Variants in NYNRIN observed in about 807,000 individuals in gnomAD.
The protein encoded by NYNRIN is NYN domain and retroviral integrase containing.
In NYNRIN, 86 loss-of-function variants were observed where a neutral mutation model predicts 146.6. The observed-to-expected ratio is 0.59, with a 90% CI of 0.49 to 0.70. The LOEUF (loss-of-function observed/expected upper bound fraction) is 0.70, where lower values mean the gene tolerates loss of function less well. Among genes scored for constraint, NYNRIN ranks in the 30% least tolerant of loss-of-function variants. The pLI is 0.00. For synonymous variants in NYNRIN, 1,027 were observed against 1,001.3 expected (o/e 1.03, Z -0.48); for missense variants, 2,191 against 2,377.7 (o/e 0.92, Z 1.63).
chr14:24,415,732 G>T lies in NYNRIN; in HGVS notation c.3983G>T (p.Gly1328Val), dbSNP rs2042940561. ...GAGGATGAGTGGTGTGCTGGCTTTG[G>T]TCTCTATGTTCTATCGCCCACCAGC... Reference protein sequence around the residue: ...YREDEWCAGFGLYVLSPTSPP... With the variant: ...YREDEWCAGFVLYVLSPTSPP... Residue 1328 changes from glycine to valine, a missense_variant, in exon 9 of 9, where the codon GGT becomes GTT. Coordinates refer to ENST00000382554, the MANE Select transcript of NYNRIN (RefSeq NM_025081.3). 1 of 1,613,662 alleles carries T rather than the reference G, an allele frequency of 6.2e-7. No homozygotes were observed. The highest frequency in any genetic ancestry group is 1.1e-5 in the South Asian group (1 of 91,034).
intron 8 of NYNRIN, 69 bp from the exon 9 acceptor site, chr14:24,414,514 GGGGTTTCCACAGA>G (rs143075190): frequency 0.12 from 178,916 of 1,468,162 alleles, 11,579 homozygotes; most frequent in Middle Eastern, 0.19. Flanking sequence ...ACTTTGGAAT[GGGGTTTCCACAGA>G]GGTGCTTTCC....
chr14:24,411,253 T>C lies in NYNRIN; in HGVS notation c.2545+47T>C. 1.9e-6 allele frequency: 3 copies of C among 1,611,530 alleles called. No individual in the cohort carries two copies. The highest frequency in any genetic ancestry group is 1.1e-5 in the South Asian group (1 of 90,960). ...CAGCCTCCACAGTGTCACCAAGCTT[T>C]CTTCTCTCTGCCTTGCTGCCCCGAC... On this transcript the variant is annotated intron_variant, in intron 5 of 8. Coordinates refer to ENST00000382554, the MANE Select transcript of NYNRIN (RefSeq NM_025081.3). This position sits in a 1 kb window ranked among gnomAD's most constrained non-coding sequence, Gnocchi z 4.3.
chr14:24,408,073 G>A lies in NYNRIN; in HGVS notation c.403G>A (p.Glu135Lys). The stretch of plus-strand genomic sequence containing the variant: ...TTTCATCATGACACAGAACTGGCTG[G>A]AGGAGCTGGTGGGGCGACTGCGCTG... Reference protein sequence around the residue: ...ESFIMTQNWLEELVGRLRWGP... With the variant: ...ESFIMTQNWLKELVGRLRWGP... The change falls in exon 3 of 9, where the codon GAG (glutamate) becomes AAG (lysine). Residue 135 changes from glutamate (E) to lysine (K), a missense_variant. This residue lies in a region of NYNRIN where 895 missense variants were observed against 941.2 expected (regional missense o/e 0.95). Coordinates refer to ENST00000382554, the MANE Select transcript of NYNRIN (RefSeq NM_025081.3). 1 of 1,613,774 alleles carries A rather than the reference G, an allele frequency of 6.2e-7. No individual in the cohort carries two copies. Among genetic ancestry groups the A allele is most frequent in the Non-Finnish European group, 8.5e-7 (1 of 1,179,878 alleles).
In NYNRIN at chr14:24,414,981, G is replaced by A. The variant is rs772918278; in HGVS notation, c.3232G>A (p.Val1078Ile). The A allele has an allele frequency of 6.3e-7, 1 of 1,596,514 alleles. No homozygotes were observed. Among genetic ancestry groups the A allele is most frequent in the Non-Finnish European group, 8.6e-7 (1 of 1,167,272 alleles). Reference protein sequence around the residue: ...PWDGKAPCQQVLAHLAQLTIP... With the variant: ...PWDGKAPCQQILAHLAQLTIP... ...GGATGGAAAGGCTCCCTGCCAGCAG[G>A]TTCTTGCCCACCTGGCCCAGCTCAC... Residue 1078 changes from valine to isoleucine, a missense_variant, in exon 9 of 9, where the codon GTT (valine) becomes ATT (isoleucine). By Grantham distance (29) the Val-to-Ile change is conservative. This residue lies in a region of NYNRIN where 1,291 missense variants were observed against 1,417.0 expected (regional missense o/e 0.91). Transcript: ENST00000382554.
rs982187290 is a variant in NYNRIN at position 24,411,274 on chromosome 14, C to T, written c.2545+68C>T. 9.3e-6 allele frequency: 15 copies of T among 1,612,742 alleles called. No individual in the cohort carries two copies. The African/African-American group carries it at 1.7e-4, about 19-fold the overall frequency. On this transcript the variant is annotated intron_variant, in intron 5 of 8. Coordinates refer to ENST00000382554, the MANE Select transcript of NYNRIN (RefSeq NM_025081.3). This position sits in a 1 kb window ranked among gnomAD's most constrained non-coding sequence, Gnocchi z 4.3. ...GCTTTCTTCTCTCTGCCTTGCTGCC[C>T]CGACCCTCTGCCACCCCAGAGTGGC...
chr14:24,409,163 A>C lies in NYNRIN; in HGVS notation c.1369A>C (p.Thr457Pro), dbSNP rs762055012. 6.2e-7 allele frequency: 1 copy of C among 1,613,962 alleles called. No homozygotes were observed. The highest frequency in any genetic ancestry group is 8.5e-7 in the Non-Finnish European group (1 of 1,179,874). Residue 457 changes from threonine (T) to proline (P), a missense_variant, in exon 4 of 9, where the codon ACG becomes CCG. Thr to Pro is a conservative substitution (Grantham distance 38). Transcript: ENST00000382554. ...CPRPEISPKV[T>P]SLLVVPGSSD... The stretch of plus-strand genomic sequence containing the variant: ...AAGGCCAGAGATTTCCCCAAAAGTT[A>C]CGAGTTTATTGGTGGTCCCTGGGAG...
At chr14:24,413,526 CT>C in intron 8 of NYNRIN, 109 bp downstream of exon 8, 1 of 695,318 alleles carries the variant, frequency 1.4e-6, no homozygotes, top group Non-Finnish European at 2.4e-6. Flanking sequence ...AGTGATCTGA[CT>C]TTTTCATGTC....
chr14:24,416,385 T>C lies in NYNRIN; in HGVS notation c.4636T>C (p.Phe1546Leu). The C allele has an allele frequency of 6.2e-7, 1 of 1,613,188 alleles. No homozygotes were observed. The highest frequency in any genetic ancestry group is 1.1e-5 in the South Asian group (1 of 90,934). Residue 1546 changes from phenylalanine to leucine, a missense_variant, in exon 9 of 9, where the codon TTC becomes CTC. By Grantham distance (22) the Phe-to-Leu change is conservative. This residue lies in a region of NYNRIN where 1,291 missense variants were observed against 1,417.0 expected (regional missense o/e 0.91). Transcript: ENST00000382554. ...GACGCAACTCCGGAGGGATCTGATTTTCTCTGTGCATGACATTCCCTTGGG... is the reference window on the plus strand; with the variant it reads ...GACGCAACTCCGGAGGGATCTGATTCTCTCTGTGCATGACATTCCCTTGGG... Reference protein sequence around the residue: ...VPTQLRRDLIFSVHDIPLGAH... With the variant: ...VPTQLRRDLILSVHDIPLGAH...
rs1459687417 is a variant in NYNRIN at position 24,409,295 on chromosome 14, A to G, written c.1501A>G (p.Met501Val). 6.2e-7 allele frequency: 1 copy of G among 1,614,032 alleles called. No individual in the cohort carries two copies. The highest frequency in any genetic ancestry group is 8.5e-7 in the Non-Finnish European group (1 of 1,179,884). ...AGGEPGDQGS[M>V]QLDFKGLEEG... is the part of the protein sequence containing the mutation. ...AGGTGAGCCGGGGGATCAAGGGAGT[A>G]TGCAGTTAGATTTTAAGGGACTGGA... Residue 501 changes from methionine (M) to valine (V), a missense_variant, in exon 4 of 9, where the codon ATG becomes GTG. By Grantham distance (21) the Met-to-Val change is conservative. Transcript: ENST00000382554.
At chr14:24,404,717 T>C (rs756659193) in intron 2 of NYNRIN, among the ~76,000 whole-genome samples, 1 of 152,232 alleles carries the variant, frequency 6.6e-6, no homozygotes, top group African/African-American at 2.4e-5. Flanking sequence ...TTTAAGTCTC[T>C]GCTCTTGGGC....
chr14:24,411,204 G>C lies in NYNRIN; in HGVS notation c.2543G>C (p.Arg848Thr). The C allele has an allele frequency of 6.2e-7, 1 of 1,606,242 alleles. No individual in the cohort carries two copies. Among genetic ancestry groups the C allele is most frequent in the Non-Finnish European group, 8.5e-7 (1 of 1,175,930 alleles). Residue 848 changes from arginine (R) to threonine (T), a missense_variant and splice_region_variant, in exon 5 of 9, where the codon AGA (arginine) becomes ACA (threonine). Arg to Thr is a moderately conservative substitution (Grantham distance 71). This residue lies in a region of NYNRIN where 1,291 missense variants were observed against 1,417.0 expected (regional missense o/e 0.91). Coordinates refer to ENST00000382554, the MANE Select transcript of NYNRIN (RefSeq NM_025081.3). This position sits in a 1 kb window ranked among gnomAD's most constrained non-coding sequence, Gnocchi z 4.3. ...TWQLKKNRRV[R>T]ESHFLTKLHS... ...CAGCTGAAGAAGAACCGGAGGGTGAGAGGTGAGGTGTCCCCTGCCTGCCCA... is the reference window on the plus strand; with the variant it reads ...CAGCTGAAGAAGAACCGGAGGGTGACAGGTGAGGTGTCCCCTGCCTGCCCA...
chr14:24,403,436 C>T (rs1054764760), intron 2 of NYNRIN, among the ~76,000 whole-genome samples: 3 of 152,178 alleles, frequency 2.0e-5, no homozygotes, highest in Non-Finnish European at 4.4e-5. Context: ...GCATCCTTTG[C>T]CTTTTTTCTT....
chr14:24,408,757 G>C lies in NYNRIN; in HGVS notation c.963G>C (p.Lys321Asn). Reference sequence around the variant, plus strand: ...CGAACCACACACAAGCCTTGTTGAAGCAAAGGCAGGTCCAGAAGATAGAAG... The same window carrying C: ...CGAACCACACACAAGCCTTGTTGAACCAAAGGCAGGTCCAGAAGATAGAAG... ...DSTNHTQALL[K>N]QRQVQKIEDK... The change falls in exon 4 of 9, where the codon AAG (lysine) becomes AAC (asparagine). Residue 321 changes from lysine (K) to asparagine (N), a missense_variant. Lys to Asn is a moderately conservative substitution (Grantham distance 94). Transcript: ENST00000382554. The C allele has an allele frequency of 1.2e-6, 2 of 1,613,954 alleles. No individual in the cohort carries two copies. Among genetic ancestry groups the C allele is most frequent in the Non-Finnish European group, 1.7e-6 (2 of 1,179,854 alleles).
rs559260676 is a variant in NYNRIN at position 24,417,482 on chromosome 14, G to T, written c.*36G>T. ...CGGGGGTGCCCCCTGCCCCAGGGCC[G>T]TGGGTTTCTGCTGCTAGGCCTCCCC... On this transcript the variant is annotated 3_prime_UTR_variant, in exon 9 of 9. Transcript: ENST00000382554. The T allele has an allele frequency of 6.3e-6, 9 of 1,438,944 alleles. No homozygotes were observed. The highest frequency in any genetic ancestry group is 8.2e-6 in the Non-Finnish European group (9 of 1,099,572). 89.1% of individuals were successfully genotyped at this position (1,438,944 alleles called of 1,614,324 possible).
chr14:24,405,852 C>G (rs1029260724), intron 2 of NYNRIN, among the ~76,000 whole-genome samples: 3 of 152,096 alleles, frequency 2.0e-5, no homozygotes, highest in African/African-American at 7.2e-5. Flanking sequence ...ATCACAGTTC[C>G]TATATATTTC....
At chr14:24,404,772 G>C (rs1026984982) in intron 2 of NYNRIN, among the ~76,000 whole-genome samples, 1 of 152,168 alleles carries the variant, frequency 6.6e-6, no homozygotes, top group African/African-American at 2.4e-5. Flanking sequence ...TGGCCTGGAG[G>C]GTCAGGGTCT....
At position 24,415,159 on chromosome 14, in the gene NYNRIN, C is replaced by G; in HGVS notation, c.3410C>G (p.Ala1137Gly). The change falls in exon 9 of 9, where the codon GCC becomes GGC. Residue 1137 changes from alanine (A) to glycine (G), a missense_variant. Ala to Gly is a moderately conservative substitution (Grantham distance 60). Transcript: ENST00000382554. ...DWQWDQEHEE[A>G]FLALKRALVS... ...CAGTGGGACCAGGAGCATGAGGAGG[C>G]CTTCCTGGCCCTGAAGCGAGCCCTG... The G allele has an allele frequency of 6.2e-7, 1 of 1,606,104 alleles. No individual in the cohort carries two copies. The highest frequency in any genetic ancestry group is 8.5e-7 in the Non-Finnish European group (1 of 1,178,902).
chr14:24,416,553 A>G lies in NYNRIN; in HGVS notation c.4804A>G (p.Ile1602Val). 1.2e-6 allele frequency: 2 copies of G among 1,613,932 alleles called. No homozygotes were observed. The highest frequency in any genetic ancestry group is 1.7e-6 in the Non-Finnish European group (2 of 1,179,874). Residue 1602 changes from isoleucine (I) to valine (V), a missense_variant, in exon 9 of 9, where the codon ATT (isoleucine) becomes GTT (valine). Transcript: ENST00000382554. Reference protein sequence around the residue: ...RNLIGSELKVIESPWPLRSTA... With the variant: ...RNLIGSELKVVESPWPLRSTA... ...TCTCATAGGCAGCGAGTTGAAGGTT[A>G]TTGAGTCCCCATGGCCCCTCAGGTC...
chr14:24,415,849 A>G lies in NYNRIN; in HGVS notation c.4100A>G (p.Gln1367Arg), dbSNP rs1413068964. The G allele has an allele frequency of 9.9e-6, 16 of 1,613,764 alleles. No homozygotes were observed. The highest frequency in any genetic ancestry group is 1.4e-5 in the Non-Finnish European group (16 of 1,179,874). ...GCCTGCGGCCTGGAGCGCTTTGGCC[A>G]GTCCCCACTCCCAGTGGTTTTCCTC... is the stretch of plus-strand genomic sequence containing the variant. The part of the protein sequence containing the change: ...AVACGLERFG[Q>R]SPLPVVFLTH... Residue 1367 changes from glutamine (Q) to arginine (R), a missense_variant, in exon 9 of 9, where the codon CAG becomes CGG. This residue lies in a region of NYNRIN where 1,291 missense variants were observed against 1,417.0 expected (regional missense o/e 0.91). Coordinates refer to ENST00000382554, the MANE Select transcript of NYNRIN (RefSeq NM_025081.3).
Sources: allele counts gnomAD v4.1 joint callset (sites outside exome capture counted in the v4.1 genomes callset), GRCh38; gene constraint gnomAD v4.1.1; regional missense constraint gnomAD v4.1.1; non-coding constraint Gnocchi (gnomAD v3.1); transcripts MANE v1.5; gene names NCBI Gene and HGNC (gene_info 2026-07-23, HGNC 2026-07-21).